INPP5A: variants seen among roughly 807,000 people sequenced by gnomAD.
INPP5A encodes the protein 43 kDa inositol polyphosphate 5-phophatase.
INPP5A carries 14 observed loss-of-function variants against 65.2 expected under a neutral mutation model. The observed-to-expected ratio is 0.21, with a 90% CI of 0.14 to 0.34. INPP5A has a LOEUF of 0.34. INPP5A is among the 10% of genes least tolerant of loss of function. The pLI is 1.00. For missense variants in INPP5A, 431 were observed against 545.6 expected (o/e 0.79, Z 2.09); for synonymous variants, 207 against 208.3 (o/e 0.99, Z 0.05).
intron 2 of INPP5A, among the ~76,000 whole-genome samples, chr10:132,625,960 T>G (rs2072178633): frequency 6.6e-6 from 1 of 152,196 alleles, no homozygotes; most frequent in African/African-American, 2.4e-5. Flanking sequence ...GCATGTTTCT[T>G]CGATTTTGAC....
At chr10:132,681,096 G>C (rs1234540754) in intron 4 of INPP5A, among the ~76,000 whole-genome samples, 2 of 152,252 alleles carry the variant, frequency 1.3e-5, no homozygotes, top group African/African-American at 4.8e-5. Context: ...GGGATCCACC[G>C]TGTGAAGCCA....
Position 132,674,546 on chromosome 10 carries a change from G to C in INPP5A, c.307-15846G>C, listed in dbSNP as rs2072937696. ...AACTTCCCATGAGGCCATCGGTGCA[G>C]GCTGGGGGAGAGAAGGGAGGGTGGC... On this transcript the variant is annotated intron_variant, in intron 4 of 15. Coordinates refer to ENST00000368594, the MANE Select transcript of INPP5A (RefSeq NM_005539.5). The surrounding 1 kb of genome is among the most constrained non-coding windows in gnomAD (Gnocchi z 4.4). Among the ~76,000 whole-genome samples, 1 of 152,210 alleles carries C rather than the reference G, an allele frequency of 6.6e-6. No individual in the cohort carries two copies. The highest frequency in any genetic ancestry group is 2.4e-5 in the African/African-American group (1 of 41,452).
chr10:132,544,478 G>T (rs2070943987), intron 1 of INPP5A, among the ~76,000 whole-genome samples: 1 of 152,092 alleles, frequency 6.6e-6, no homozygotes, highest in African/African-American at 2.4e-5. Context: ...CAAGATCTCG[G>T]TGCACTTTCC....
At chr10:132,596,901 C>T (rs2071700633) in intron 1 of INPP5A, among the ~76,000 whole-genome samples, 1 of 102,716 alleles carries the variant, frequency 9.7e-6, no homozygotes. Flanking sequence ...TTGGAGGCTC[C>T]TGTGCATGTG....
intron 1 of INPP5A, among the ~76,000 whole-genome samples, chr10:132,563,665 T>G (rs750768723): frequency 6.6e-6 from 1 of 151,576 alleles, no homozygotes; most frequent in African/African-American, 2.4e-5. Context: ...ACAGAAAAAT[T>G]AAAGGAAAGA....
Position 132,716,869 on chromosome 10 carries a change from T to C in INPP5A, c.647+6413T>C, listed in dbSNP as rs116105137. Among the ~76,000 whole-genome samples the C allele has an allele frequency of 3.8e-4, 58 of 152,350 alleles. 1 individual carries two copies. The highest frequency in any genetic ancestry group is 1.3e-3 in the African/African-American group (56 of 41,594). On this transcript the variant is annotated intron_variant, in intron 8 of 15. Transcript: ENST00000368594. ...GAAGGAGAGCCCTGCACAGCCCTCCTGCCGCCCTGCACGGGGCTCCCCGCA... is the reference window on the plus strand; with the variant it reads ...GAAGGAGAGCCCTGCACAGCCCTCCCGCCGCCCTGCACGGGGCTCCCCGCA...
chr10:132,647,037 G>C (rs1564947833), intron 3 of INPP5A, among the ~76,000 whole-genome samples: 1 of 151,986 alleles, frequency 6.6e-6, no homozygotes, highest in Non-Finnish European at 1.5e-5. Context: ...TCCTCGAGCA[G>C]AGCAAAGTGG....
At chr10:132,554,850 G>T (rs1590825151) in intron 1 of INPP5A, among the ~76,000 whole-genome samples, 1 of 150,332 alleles carries the variant, frequency 6.7e-6, no homozygotes, top group East Asian at 2.0e-4. Context: ...TGTGGGTGGT[G>T]TGATCAATGT....
At chr10:132,717,266 C>G (rs956807526) in intron 8 of INPP5A, among the ~76,000 whole-genome samples, 1 of 152,212 alleles carries the variant, frequency 6.6e-6, no homozygotes, top group Admixed American at 6.5e-5. Flanking sequence ...CCCCCGTGAC[C>G]TCAGGTGCTG....
chr10:132,610,390 G>A (rs915727050), intron 2 of INPP5A, among the ~76,000 whole-genome samples: 1 of 152,242 alleles, frequency 6.6e-6, no homozygotes, highest in Admixed American at 6.5e-5. Flanking sequence ...TTCGTGAACA[G>A]GAAGTAGGGG....
In INPP5A at chr10:132,761,392, C is replaced by T. The variant is rs555129321; in HGVS notation, c.904-4381C>T. On this transcript the variant is annotated intron_variant, in intron 11 of 15. Coordinates refer to ENST00000368594, the MANE Select transcript of INPP5A (RefSeq NM_005539.5). ...CTGGGTGCCTGCTCTGAGCCAGGCC[C>T]TGCTCTGGGTTAACAAGACAGACAG... Among the ~76,000 whole-genome samples, 293 of 152,338 alleles carry T rather than the reference C, an allele frequency of 1.9e-3. 1 individual carries two copies. The highest frequency in any genetic ancestry group is 4.8e-3 in the Admixed American group (74 of 15,308).
At chr10:132,544,255 G>A (rs2133243451) in intron 1 of INPP5A, among the ~76,000 whole-genome samples, 1 of 152,352 alleles carries the variant, frequency 6.6e-6, no homozygotes, top group Admixed American at 6.5e-5. Flanking sequence ...AGTAGGTGGG[G>A]CCCTGCTCTG....
intron 8 of INPP5A, among the ~76,000 whole-genome samples, chr10:132,724,082 T>C (rs1290983396): frequency 2.6e-5 from 4 of 152,124 alleles, no homozygotes; most frequent in Non-Finnish European, 5.9e-5. Context: ...GAGCACGAAA[T>C]AGCTGGGACC....
chr10:132,627,679 G>A lies in INPP5A; in HGVS notation c.118-18189G>A, dbSNP rs954098656. Among the ~76,000 whole-genome samples, 2 of 152,200 alleles carry A rather than the reference G, an allele frequency of 1.3e-5. No individual in the cohort carries two copies. Among genetic ancestry groups the A allele is most frequent in the Admixed American group, 6.5e-5 (1 of 15,286 alleles). On this transcript the variant is annotated intron_variant, in intron 2 of 15. Transcript: ENST00000368594. The surrounding 1 kb of genome is among the most constrained non-coding windows in gnomAD (Gnocchi z 6.6). ...GAGCACAGTGTGGTCCGGGGCTGGG[G>A]GTGTGAGATGGCTGGGATTATAGTG...
At chr10:132,721,869 A>AC (rs1161336076) in intron 8 of INPP5A, among the ~76,000 whole-genome samples, 1 of 152,066 alleles carries the variant, frequency 6.6e-6, no homozygotes, top group African/African-American at 2.4e-5. Context: ...TGGGAGATTC[A>AC]CCCTGAGGGC....
At chr10:132,657,345 G>A (rs1180599817) in intron 4 of INPP5A, among the ~76,000 whole-genome samples, 5 of 152,256 alleles carry the variant, frequency 3.3e-5, no homozygotes, top group African/African-American at 1.2e-4. Flanking sequence ...CTCTGCTCGC[G>A]CCTTGGTGGC....
intron 11 of INPP5A, among the ~76,000 whole-genome samples, chr10:132,763,233 G>A (rs1846765339): frequency 6.6e-6 from 1 of 152,170 alleles, no homozygotes. Flanking sequence ...GATGCTCCTG[G>A]GCAGGCCTTA....
chr10:132,704,962 C>T lies in INPP5A; in HGVS notation c.475-3351C>T, dbSNP rs539214686. Among the ~76,000 whole-genome samples the T allele has an allele frequency of 1.8e-4, 27 of 150,136 alleles. No homozygotes were observed. The highest frequency in any genetic ancestry group is 6.4e-4 in the African/African-American group (26 of 40,900). ...TGGAGTGTGGAGGATGGAGGAAGGG[C>T]GTCTGGACAGGCGGCAGGCAGCTCC... On this transcript the variant is annotated intron_variant, in intron 6 of 15. Coordinates refer to ENST00000368594, the MANE Select transcript of INPP5A (RefSeq NM_005539.5). The surrounding 1 kb of genome is among the most constrained non-coding windows in gnomAD (Gnocchi z 4.5).
intron 9 of INPP5A, among the ~76,000 whole-genome samples, chr10:132,745,357 G>A (rs570706147): frequency 6.6e-6 from 1 of 152,316 alleles, no homozygotes; most frequent in African/African-American, 2.4e-5. Context: ...TCCCTTGTCT[G>A]CCTGGGAGTG....
Sources: gnomAD v4.1 joint callset for allele counts (sites outside exome capture counted in the v4.1 genomes callset) on GRCh38, gnomAD v4.1.1 for gene constraint, Gnocchi (gnomAD v3.1) non-coding constraint, MANE v1.5 for transcripts, NCBI Gene and HGNC (gene_info 2026-07-23, HGNC 2026-07-21) for gene names.